NLRC5: variants seen among roughly 807,000 people sequenced by gnomAD.
The protein encoded by NLRC5 is NLR family CARD domain containing 5.
NLRC5 carries 114 observed loss-of-function variants against 206.9 expected under a neutral mutation model. The observed-to-expected ratio is 0.55, with a 90% CI of 0.47 to 0.64. The LOEUF (loss-of-function observed/expected upper bound fraction) is 0.64, where lower values mean the gene tolerates loss of function less well. Among genes scored for constraint, NLRC5 ranks in the 30% least tolerant of loss-of-function variants. The probability of loss-of-function intolerance (pLI) is 0.00; values close to 1 mark genes in which losing one functional copy is unlikely to be tolerated. For missense variants in NLRC5, 2,008 were observed against 2,305.5 expected (o/e 0.87, Z 2.64); for synonymous variants, 952 against 962.8 (o/e 0.99, Z 0.21).
At chr16:57,004,864 C>T (rs912769325) in intron 1 of NLRC5, among the ~76,000 whole-genome samples, 1 of 152,194 alleles carries the variant, frequency 6.6e-6, no homozygotes, top group African/African-American at 2.4e-5. Context: ...GTGGGGTAAA[C>T]TCCCCTCGCA....
In NLRC5 at chr16:57,036,281, G is replaced by T. The variant is rs143657053; in HGVS notation, c.2711+98G>T. 92 of 1,099,378 alleles carry T rather than the reference G, an allele frequency of 8.4e-5. No individual in the cohort carries two copies. The African/African-American group carries it at 1.2e-3, about 15-fold the overall frequency. The allele number at this position is 1,099,378 out of a possible 1,614,324, so 68.1% of individuals were successfully genotyped here. A position where few individuals can be genotyped will look rare whatever the true frequency, so the allele number is the denominator to read the frequency against. On this transcript the variant is annotated intron_variant, in intron 14 of 48. Coordinates refer to ENST00000688547, the MANE Select transcript of NLRC5 (RefSeq NM_001384950.1). ...TCAGCAGTAAGGGTGCTGATCCACT[G>T]CCACCCCTGCTTCCTCCCAACTCCA...
chr16:56,998,410 TA>T (rs1466425487), intron 1 of NLRC5, among the ~76,000 whole-genome samples: 1 of 152,092 alleles, frequency 6.6e-6, no homozygotes, highest in Non-Finnish European at 1.5e-5. Context: ...ATAATAAAAA[TA>T]ATTCTTATAT....
chr16:57,050,267 C>G (rs571601192), intron 23 of NLRC5, among the ~76,000 whole-genome samples: 39 of 152,296 alleles, frequency 2.6e-4, no homozygotes, highest in African/African-American at 9.1e-4. Context: ...TGCCCAGTCC[C>G]TGGGGCAGAA....
chr16:57,074,954 GT>G (rs1371173710), intron 39 of NLRC5, among the ~76,000 whole-genome samples: 1 of 127,946 alleles, frequency 7.8e-6, no homozygotes, highest in African/African-American at 2.9e-5. Context: ...CTGGGCTCTT[GT>G]TAAAATGCTC....
At chr16:57,076,654 C>T (rs985444185) in intron 39 of NLRC5, among the ~76,000 whole-genome samples, 165 bp from the exon 40 acceptor site, 1 of 152,244 alleles carries the variant, frequency 6.6e-6, no homozygotes, top group African/African-American at 2.4e-5. Flanking sequence ...CAATAATTCC[C>T]ACCTTGCTCA....
rs2067226249 is a variant in NLRC5, at chr16:57,067,768, A to T, written c.4439A>T (p.Asp1480Val). The T allele has an allele frequency of 1.2e-6, 2 of 1,614,086 alleles. No individual in the cohort carries two copies. The highest frequency in any genetic ancestry group is 1.7e-5 in the Admixed American group (1 of 60,006). The change falls in exon 36 of 49, where the codon GAT becomes GTT. Residue 1480 changes from aspartate to valine, a missense_variant. Transcript: ENST00000688547. ...LSQVNLCEDD[D>V]ASSLLLQSLL... ...CAGGTTAACCTCTGTGAGGACGATG[A>T]TGCCAGTTCCCTGCTGCTGCAGAGC...
chr16:57,010,345 A>C (rs192066682), intron 1 of NLRC5, among the ~76,000 whole-genome samples: 3 of 152,214 alleles, frequency 2.0e-5, no homozygotes, highest in Admixed American at 2.0e-4. Context: ...AGTAAAATGA[A>C]ATATTTTCTC....
chr16:57,081,312 C>A, intron 47 of NLRC5, 131 bp downstream of exon 47: 1 of 991,224 alleles, frequency 1.0e-6, no homozygotes, highest in Non-Finnish European at 1.5e-6. Context: ...TGGCCTGTTC[C>A]AAGCCCCTGC....
intron 23 of NLRC5, chr16:57,047,991 T>G: frequency 4.1e-6 from 1 of 241,018 alleles, no homozygotes; most frequent in Non-Finnish European, 8.2e-6. Context: ...CTGAAAGCCC[T>G]TCCTCAAGGC....
At chr16:57,036,412 A>G (rs1353478156) in intron 14 of NLRC5, among the ~76,000 whole-genome samples, 2 of 152,142 alleles carry the variant, frequency 1.3e-5, no homozygotes, top group African/African-American at 4.8e-5. Flanking sequence ...CGTTCATTAT[A>G]CATCAGTGGC....
chr16:57,025,217 C>T (rs1457588509), intron 5 of NLRC5, 151 bp from the exon 6 acceptor site: 1 of 1,317,266 alleles, frequency 7.6e-7, no homozygotes, highest in African/African-American at 1.5e-5. Context: ...TGGCACAGAT[C>T]CCCCTATGGT....
chr16:57,035,021 G>C (rs1684577), intron 13 of NLRC5: 1 of 152,072 alleles, frequency 6.6e-6, no homozygotes, highest in Non-Finnish European at 1.5e-5. Flanking sequence ...GGGAGAACCA[G>C]GACAGAATTA....
At position 57,074,653 on chromosome 16, in the gene NLRC5, T is replaced by C; in HGVS notation, c.4721T>C (p.Leu1574Pro). 1 of 1,613,940 alleles carries C rather than the reference T, an allele frequency of 6.2e-7. No individual in the cohort carries two copies. The highest frequency in any genetic ancestry group is 2.2e-5 in the East Asian group (1 of 44,882). Residue 1574 changes from leucine to proline, a missense_variant, in exon 39 of 49, where the codon CTA (leucine) becomes CCA (proline). Leu to Pro is a moderately conservative substitution (Grantham distance 98). Transcript: ENST00000688547. Reference sequence around the variant, plus strand: ...ACCTTGGCCTTGCTTACTCACAGACTAAGCCAGATGACCTGCCTGCAGAGC... The same window carrying C: ...ACCTTGGCCTTGCTTACTCACAGACCAAGCCAGATGACCTGCCTGCAGAGC... ...SSTLALLTHR[L>P]SQMTCLQSLR...
intron 1 of NLRC5, among the ~76,000 whole-genome samples, chr16:57,009,227 G>T (rs1172227325): frequency 3.3e-5 from 5 of 152,114 alleles, no homozygotes; most frequent in Admixed American, 3.3e-4. Context: ...AGAGGTGGAG[G>T]TTGCAGTGAG....
In NLRC5 at chr16:57,025,870, A is replaced by G. The variant is rs1459785007; in HGVS notation, c.927A>G (p.Leu309=). The change falls in exon 6 of 49, where the codon CTA becomes CTG. Residue 309 remains leucine (L), a synonymous_variant. Coordinates refer to ENST00000688547, the MANE Select transcript of NLRC5 (RefSeq NM_001384950.1). ...ADQVLLIFDG[L]DEALQPMGPD... The stretch of plus-strand genomic sequence containing the variant: ...AAGTCCTGCTGATCTTTGATGGGCT[A>G]GATGAGGCCCTCCAGCCTATGGGTC... 1 of 1,614,228 alleles carries G rather than the reference A, an allele frequency of 6.2e-7. No individual in the cohort carries two copies. Among genetic ancestry groups the G allele is most frequent in the Admixed American group, 1.7e-5 (1 of 60,032 alleles).
At chr16:57,081,409 A>G in intron 47 of NLRC5, 118 bp from the exon 48 acceptor site, 1 of 1,019,876 alleles carries the variant, frequency 9.8e-7, no homozygotes, top group Non-Finnish European at 1.5e-6. Context: ...TTCCCTGAGA[A>G]GGTAGTGTGG....
At chr16:57,031,616 G>T (rs1161540587) in intron 11 of NLRC5, among the ~76,000 whole-genome samples, 153 bp downstream of exon 11, 2 of 151,624 alleles carry the variant, frequency 1.3e-5, no homozygotes, top group African/African-American at 4.9e-5. Flanking sequence ...TACTGCTTAG[G>T]TTGGCAAAGG....
At chr16:57,071,592 G>A (rs537213325) in intron 38 of NLRC5, among the ~76,000 whole-genome samples, 25 of 141,586 alleles carry the variant, frequency 1.8e-4, no homozygotes, top group African/African-American at 5.6e-4. Flanking sequence ...GGAAGGGGGT[G>A]AGTGAGTGGT....
At chr16:57,054,912 G>T in intron 25 of NLRC5, 72 bp downstream of exon 25, 1 of 1,581,158 alleles carries the variant, frequency 6.3e-7, no homozygotes, top group African/African-American at 1.3e-5. Context: ...GTATGAGGGG[G>T]TAGGATGAAG....
Sources: gnomAD v4.1 joint callset for allele counts (sites outside exome capture counted in the v4.1 genomes callset) on GRCh38, gnomAD v4.1.1 for gene constraint, MANE v1.5 for transcripts, NCBI Gene and HGNC (gene_info 2026-07-23, HGNC 2026-07-21) for gene names.